The following PLEKHA7 variants were observed in gnomAD, a reference collection of about 807,000 sequenced individuals.
PLEKHA7 encodes the protein pleckstrin homology domain containing A7.
Under a neutral mutation model 170.0 loss-of-function variants are expected in PLEKHA7, and 104 were observed. The observed-to-expected ratio is 0.61, with a 90% CI of 0.52 to 0.72. PLEKHA7 has a LOEUF of 0.72. Ranked by LOEUF, PLEKHA7 falls within the 30% of genes least tolerant of loss-of-function variation. The pLI is 0.00. For missense variants in PLEKHA7, 1,615 were observed against 1,671.7 expected (o/e 0.97, Z 0.59); for synonymous variants, 648 against 660.8 (o/e 0.98, Z 0.30).
chr11:16,910,908 T>C (rs1440678672), intron 3 of PLEKHA7, among the ~76,000 whole-genome samples: 1 of 152,246 alleles, frequency 6.6e-6, no homozygotes, highest in Non-Finnish European at 1.5e-5. Context: ...TGGCTCCAGC[T>C]GTAATCTACT....
intron 3 of PLEKHA7, among the ~76,000 whole-genome samples, chr11:16,960,960 G>A (rs570418845): frequency 3.0e-4 from 45 of 152,112 alleles, no homozygotes; most frequent in East Asian, 9.7e-4. Flanking sequence ...GTTTCACCAC[G>A]TCAGCCCCTG....
At chr11:16,820,862 G>A (rs567353244) in intron 10 of PLEKHA7, among the ~76,000 whole-genome samples, 2 of 152,294 alleles carry the variant, frequency 1.3e-5, no homozygotes, top group South Asian at 2.1e-4. Flanking sequence ...CAAGGTACCA[G>A]TGCAATGGTG....
intron 13 of PLEKHA7, among the ~76,000 whole-genome samples, chr11:16,806,100 G>C (rs1481788644): frequency 1.3e-5 from 2 of 152,196 alleles, no homozygotes; most frequent in African/African-American, 4.8e-5. Flanking sequence ...CCCAGCCAGG[G>C]CCTAGCATAT....
At chr11:16,891,493 G>C (rs549542773) in intron 3 of PLEKHA7, among the ~76,000 whole-genome samples, 2 of 152,272 alleles carry the variant, frequency 1.3e-5, no homozygotes, top group South Asian at 4.2e-4. Context: ...ATACATTTCT[G>C]TTGTTTTATA....
At chr11:16,992,853 C>T (rs1015110326) in intron 3 of PLEKHA7, among the ~76,000 whole-genome samples, 2 of 151,952 alleles carry the variant, frequency 1.3e-5, no homozygotes, top group African/African-American at 4.8e-5. Context: ...TCCTCATCTA[C>T]AAAATGCGAA....
chr11:16,856,656 G>C (rs1387704443), intron 4 of PLEKHA7, among the ~76,000 whole-genome samples: 1 of 152,162 alleles, frequency 6.6e-6, no homozygotes, highest in African/African-American at 2.4e-5. Flanking sequence ...GAGCATCTCA[G>C]TGCGACACTC....
chr11:16,974,779 A>G, intron 3 of PLEKHA7: 1 of 786,414 alleles, frequency 1.3e-6, no homozygotes. Flanking sequence ...ATTCTCTTAG[A>G]TCTGCAGTTG....
At chr11:16,851,583 G>C (rs1852963047) in intron 7 of PLEKHA7, among the ~76,000 whole-genome samples, 1 of 152,052 alleles carries the variant, frequency 6.6e-6, no homozygotes, top group African/African-American at 2.4e-5. Flanking sequence ...TGAGTAGCTG[G>C]GATTACAGGC....
At chr11:16,989,698 T>C (rs971154999) in intron 3 of PLEKHA7, among the ~76,000 whole-genome samples, 2 of 152,242 alleles carry the variant, frequency 1.3e-5, no homozygotes, top group Non-Finnish European at 2.9e-5. Context: ...TGGTGCCACC[T>C]GGCACAGAGT....
At chr11:16,852,685 G>A (rs959435488) in intron 6 of PLEKHA7, among the ~76,000 whole-genome samples, 1 of 152,116 alleles carries the variant, frequency 6.6e-6, no homozygotes, top group Non-Finnish European at 1.5e-5. Context: ...TATTTAGGTG[G>A]CTATGCTATA....
intron 3 of PLEKHA7, among the ~76,000 whole-genome samples, chr11:16,894,055 T>C (rs1856845482): frequency 6.6e-6 from 1 of 152,112 alleles, no homozygotes; most frequent in Non-Finnish European, 1.5e-5. Flanking sequence ...ACTGGTCCTC[T>C]AGCAATGGAA....
intron 8 of PLEKHA7, among the ~76,000 whole-genome samples, chr11:16,850,337 A>G (rs961758399): frequency 6.6e-6 from 1 of 152,230 alleles, no homozygotes; most frequent in Non-Finnish European, 1.5e-5. Context: ...TAAGCAGCCA[A>G]GAGAGGGCCA....
At chr11:16,925,053 G>A (rs1382522186) in intron 3 of PLEKHA7, among the ~76,000 whole-genome samples, 2 of 152,116 alleles carry the variant, frequency 1.3e-5, no homozygotes, top group African/African-American at 4.8e-5. Flanking sequence ...GTAGAGGAAG[G>A]GCAGGCGCCC....
chr11:16,796,304 C>T (rs903478674), intron 17 of PLEKHA7, among the ~76,000 whole-genome samples: 1 of 152,118 alleles, frequency 6.6e-6, no homozygotes, highest in African/African-American at 2.4e-5. Flanking sequence ...GTTAAAAATA[C>T]AGTAGTGAAT....
chr11:16,846,708 C>G (rs931335326), intron 8 of PLEKHA7, among the ~76,000 whole-genome samples: 2 of 152,168 alleles, frequency 1.3e-5, no homozygotes, highest in Admixed American at 6.5e-5. Flanking sequence ...TAAGACTCTT[C>G]TTCCTCCCTC....
At chr11:16,819,730 T>G (rs1850065491) in intron 10 of PLEKHA7, among the ~76,000 whole-genome samples, 1 of 152,098 alleles carries the variant, frequency 6.6e-6, no homozygotes, top group Non-Finnish European at 1.5e-5. Flanking sequence ...CTCACTTATA[T>G]GTGGGATCTA....
At chr11:16,895,574 A>G (rs1856946960) in intron 3 of PLEKHA7, among the ~76,000 whole-genome samples, 1 of 152,202 alleles carries the variant, frequency 6.6e-6, no homozygotes, top group Non-Finnish European at 1.5e-5. Context: ...TCTGCTAGTG[A>G]TGGTTTCTGA....
chr11:16,795,140 C>T (rs1045750673), intron 17 of PLEKHA7, 122 bp from the exon 18 acceptor site: 46 of 715,450 alleles, frequency 6.4e-5, no homozygotes, highest in Admixed American at 6.4e-4. Flanking sequence ...CTGGAAACCC[C>T]ACTAGTGCTA....
chr11:16,813,152 G>C lies in PLEKHA7; in HGVS notation c.1968C>G (p.Tyr656Ter). The C allele has an allele frequency of 6.2e-7, 1 of 1,613,592 alleles. No individual in the cohort carries two copies. Among genetic ancestry groups the C allele is most frequent in the Non-Finnish European group, 8.5e-7 (1 of 1,179,548 alleles). ...ACTCCAGGTCTTTCTTCAGCTGGAG[G>C]TAGGTATCATCAGCCTTCAAATGAA... ...SLHGKSADDT[Y>*]LQLKKDLEYL... is the part of the protein sequence containing the mutation. The change falls in exon 13 of 27, where the codon TAC becomes TAG. Residue 656 changes from tyrosine to a stop codon, truncating the protein, a stop_gained. Transcript: ENST00000531066. LOFTEE classifies it high-confidence loss of function.
Sources: gnomAD v4.1 joint callset for allele counts (sites outside exome capture counted in the v4.1 genomes callset) on GRCh38, gnomAD v4.1.1 for gene constraint, MANE v1.5 for transcripts, NCBI Gene and HGNC (gene_info 2026-07-23, HGNC 2026-07-21) for gene names.